Variants in NCAM2 observed in about 807,000 individuals in gnomAD.
NCAM2 encodes N-CAM-2.
A neutral mutation model predicts 98.1 loss-of-function variants in NCAM2; 30 were observed. That is an observed-to-expected ratio of 0.31 (90% CI 0.23 to 0.41). The LOEUF (loss-of-function observed/expected upper bound fraction) is 0.41. Among genes scored for constraint, NCAM2 ranks in the 10% least tolerant of loss-of-function variants. The pLI, the probability that NCAM2 is intolerant of heterozygous loss-of-function variation, is 1.00. For missense variants in NCAM2, 867 were observed against 1,005.8 expected (o/e 0.86, Z 1.87); for synonymous variants, 368 against 342.4 (o/e 1.07, Z -0.83).
chr21:21,110,819 T>C (rs2066439323), intron 1 of NCAM2, among the ~76,000 whole-genome samples: 1 of 151,992 alleles, frequency 6.6e-6, no homozygotes, highest in Non-Finnish European at 1.5e-5. Context: ...CTTAGTTCCT[T>C]AAACTAGTAA....
rs1156317269 is a variant in NCAM2, at chr21:21,063,213, T to TC, written c.55+64595_55+64596insC. On this transcript the variant is annotated intron_variant, in intron 1 of 17. Coordinates refer to ENST00000400546, the MANE Select transcript of NCAM2 (RefSeq NM_004540.5). Reference sequence around the variant, plus strand: ...TAGCACTGTTTATCTTTACATTCTTTTTTTTTTTTTTTTTTTTTTTTTTTT... The same window carrying TC: ...TAGCACTGTTTATCTTTACATTCTTTCTTTTTTTTTTTTTTTTTTTTTTTTT... 3.3e-3 allele frequency among the ~76,000 whole-genome samples: 349 copies of TC among 104,450 alleles called. 3 individuals carry two copies. The highest frequency in any genetic ancestry group is 0.012 in the African/African-American group (310 of 26,876). 68.5% of individuals were successfully genotyped at this position (104,450 alleles called of 152,430 possible).
intron 1 of NCAM2, among the ~76,000 whole-genome samples, chr21:21,106,324 A>AAAAAAAAAAAAAAAAAAAAAAAAAAAAAC (rs1569029091): frequency 6.6e-6 from 1 of 150,942 alleles, no homozygotes; most frequent in African/African-American, 2.4e-5. Flanking sequence ...CAAAAAAAAA[A>AAAAAAAAAAAAAAAAAAAAAAAAAAAAAC]AAAAAGGAAC....
At chr21:21,530,295 T>TAATTAAATTAAATTATATATAATTA (rs1989602486) in intron 16 of NCAM2, among the ~76,000 whole-genome samples, 4 of 98,026 alleles carry the variant, frequency 4.1e-5, no homozygotes, top group Non-Finnish European at 8.0e-5. Context: ...TAATTATATA[T>TAATTAAATTAAATTATATATAATTA]AATTAAATTA....
rs185983322 is a variant in NCAM2 at position 21,253,950 on chromosome 21, T to G, written c.56-26628T>G. Among the ~76,000 whole-genome samples the G allele has an allele frequency of 3.3e-5, 5 of 152,196 alleles. No individual in the cohort carries two copies. In the East Asian group the frequency reaches 9.7e-4, roughly 29 times the overall value. On this transcript the variant is annotated intron_variant, in intron 1 of 17. Coordinates refer to ENST00000400546, the MANE Select transcript of NCAM2 (RefSeq NM_004540.5). ...TTGATTTTATCCGAGTATACAGGAA[T>G]TTTCAAAATGCAGAGGGATTATAAA...
intron 15 of NCAM2, among the ~76,000 whole-genome samples, chr21:21,487,582 A>G (rs1159362063): frequency 6.6e-6 from 1 of 152,142 alleles, no homozygotes; most frequent in African/African-American, 2.4e-5. Context: ...ATTACCAGTT[A>G]TGAAGCTAGA....
At chr21:21,385,779 T>C in intron 9 of NCAM2, 1 of 395,766 alleles carries the variant, frequency 2.5e-6, no homozygotes, top group Non-Finnish European at 3.4e-6. Flanking sequence ...TGATTACAAT[T>C]AGAATATCAT....
chr21:21,387,694 G>A (rs759842681), intron 9 of NCAM2, among the ~76,000 whole-genome samples: 2 of 152,162 alleles, frequency 1.3e-5, no homozygotes, highest in Non-Finnish European at 2.9e-5. Context: ...ACTGAGGTTA[G>A]GGTTGTAATT....
At chr21:21,182,476 C>G (rs2068511275) in intron 1 of NCAM2, among the ~76,000 whole-genome samples, 3 of 152,142 alleles carry the variant, frequency 2.0e-5, no homozygotes, top group Non-Finnish European at 4.4e-5. Flanking sequence ...TCCAGTTTTA[C>G]TCTGGTCTTA....
intron 1 of NCAM2, among the ~76,000 whole-genome samples, chr21:21,251,991 T>G (rs2071492418): frequency 6.6e-6 from 1 of 152,294 alleles, no homozygotes; most frequent in South Asian, 2.1e-4. Flanking sequence ...ATGTCCTGAA[T>G]AATATCACCT....
At chr21:21,189,999 G>A (rs1212362839) in intron 1 of NCAM2, among the ~76,000 whole-genome samples, 1 of 152,198 alleles carries the variant, frequency 6.6e-6, no homozygotes, top group Non-Finnish European at 1.5e-5. Flanking sequence ...TGGAACAAAG[G>A]AGAGCAGCTG....
At chr21:21,489,117 A>C (rs113122742) in intron 15 of NCAM2, among the ~76,000 whole-genome samples, 3 of 151,970 alleles carry the variant, frequency 2.0e-5, no homozygotes, top group African/African-American at 7.2e-5. Flanking sequence ...CGGCCTGCCT[A>C]GTAGCTGGGT....
chr21:21,287,795 G>T (rs991520407), intron 4 of NCAM2, among the ~76,000 whole-genome samples: 1 of 151,812 alleles, frequency 6.6e-6, no homozygotes, highest in African/African-American at 2.4e-5. Flanking sequence ...ACTAAATGAC[G>T]TACAGCCAGA....
chr21:21,424,470 G>A (rs997198782), intron 11 of NCAM2, among the ~76,000 whole-genome samples: 1 of 152,066 alleles, frequency 6.6e-6, no homozygotes, highest in Non-Finnish European at 1.5e-5. Flanking sequence ...AATTCTGATT[G>A]GAGTTCTTGG....
At chr21:21,394,719 C>T (rs1236126363) in intron 9 of NCAM2, among the ~76,000 whole-genome samples, 1 of 151,648 alleles carries the variant, frequency 6.6e-6, no homozygotes, top group Non-Finnish European at 1.5e-5. Flanking sequence ...GATCTCCTGA[C>T]CTCGTGATCC....
intron 1 of NCAM2, among the ~76,000 whole-genome samples, chr21:21,265,539 G>T (rs1158321206): frequency 8.5e-6 from 1 of 117,876 alleles, no homozygotes; most frequent in Non-Finnish European, 1.9e-5. Context: ...ATGTGTGTAT[G>T]TATATATGTA....
chr21:21,181,033 T>A (rs1305812269), intron 1 of NCAM2, among the ~76,000 whole-genome samples: 1 of 152,164 alleles, frequency 6.6e-6, no homozygotes, highest in Non-Finnish European at 1.5e-5. Flanking sequence ...ACCTTCAATG[T>A]TGCTGAAAAC....
intron 1 of NCAM2, among the ~76,000 whole-genome samples, chr21:21,230,451 G>A (rs1421046967): frequency 1.3e-5 from 2 of 151,322 alleles, no homozygotes; most frequent in African/African-American, 2.4e-5. Flanking sequence ...ACTGGACCAT[G>A]TATTCCAAGC....
chr21:21,429,390 A>C (rs1260265293), intron 11 of NCAM2, among the ~76,000 whole-genome samples: 1 of 152,188 alleles, frequency 6.6e-6, no homozygotes, highest in African/African-American at 2.4e-5. Context: ...AGGATAGATA[A>C]TATCTCCCTC....
intron 8 of NCAM2, among the ~76,000 whole-genome samples, chr21:21,358,156 G>A (rs232484): frequency 0.36 from 54,461 of 151,916 alleles, 9,972 homozygotes; most frequent in East Asian, 0.58. Context: ...TGATGTTGCC[G>A]TAGAGGATCT....
Sources: gnomAD v4.1 joint callset for allele counts (sites outside exome capture counted in the v4.1 genomes callset) on GRCh38, gnomAD v4.1.1 for gene constraint, MANE v1.5 for transcripts, NCBI Gene and HGNC (gene_info 2026-07-23, HGNC 2026-07-21) for gene names.